Variants in PPARGC1A observed in about 807,000 individuals in gnomAD.
The protein encoded by PPARGC1A is peroxisome proliferator-activated receptor gamma coactivator 1-alpha.
PPARGC1A carries 25 observed loss-of-function variants against 88.7 expected under a neutral mutation model. The ratio of observed to expected loss-of-function variants is 0.28; its 90% CI spans 0.21 to 0.39. The LOEUF is 0.39. Among genes scored for constraint, PPARGC1A ranks in the 10% least tolerant of loss-of-function variants. PPARGC1A has a pLI of 1.00. For synonymous variants in PPARGC1A, 363 were observed against 355.6 expected, an observed-to-expected ratio of 1.02 and a Z score of -0.24; for missense variants, 880 against 968.7, an observed-to-expected ratio of 0.91 and a Z score of 1.22.
chr4:24,350,102 G>A, the PPARGC1A span, among the ~76,000 whole-genome samples: 1 of 152,220 alleles, frequency 6.6e-6, no homozygotes, highest in Non-Finnish European at 1.5e-5. Context: ...TTCGGGAGAG[G>A]AGGGTCTCCC....
the PPARGC1A span, among the ~76,000 whole-genome samples, chr4:24,226,009 A>T: frequency 6.3e-4 from 2 of 3,178 alleles, no homozygotes; most frequent in African/African-American, 6.9e-4. Flanking sequence ...ACCACCCACA[A>T]AACGGGAAAG....
intron 2 of PPARGC1A, among the ~76,000 whole-genome samples, chr4:23,857,532 C>A (rs1275525002): frequency 6.6e-6 from 1 of 151,432 alleles, no homozygotes; most frequent in East Asian, 2.0e-4. Context: ...TGGTAGAATT[C>A]CCACTGTTTA....
the PPARGC1A span, among the ~76,000 whole-genome samples, chr4:24,406,335 A>G: frequency 6.6e-6 from 1 of 152,200 alleles, no homozygotes; most frequent in East Asian, 1.9e-4. Flanking sequence ...TTCATTGGAC[A>G]TGGAATTTTC....
the PPARGC1A span, among the ~76,000 whole-genome samples, chr4:24,420,904 G>C: frequency 6.6e-6 from 1 of 152,150 alleles, no homozygotes; most frequent in Middle Eastern, 3.2e-3. Flanking sequence ...TATGGTGTCT[G>C]GTGAGGGCCT....
the PPARGC1A span, among the ~76,000 whole-genome samples, chr4:23,968,224 T>G: frequency 6.6e-6 from 1 of 152,198 alleles, no homozygotes; most frequent in Admixed American, 6.5e-5. Flanking sequence ...GGGAATCTGA[T>G]AGTATTTTTA....
At chr4:23,855,443 A>G (rs559837279) in intron 2 of PPARGC1A, among the ~76,000 whole-genome samples, 1 of 152,216 alleles carries the variant, frequency 6.6e-6, no homozygotes, top group African/African-American at 2.4e-5. Context: ...CAAATATATG[A>G]GGATTACTTA....
chr4:23,924,116 A>C, the PPARGC1A span, among the ~76,000 whole-genome samples: 1 of 152,208 alleles, frequency 6.6e-6, no homozygotes, highest in Admixed American at 6.5e-5. Context: ...TGTGATGAAA[A>C]TAACTAGTCA....
chr4:24,038,727 T>C, the PPARGC1A span, among the ~76,000 whole-genome samples: 1 of 152,162 alleles, frequency 6.6e-6, no homozygotes, highest in South Asian at 2.1e-4. Flanking sequence ...TTCAGTCGTG[T>C]TTATGAAGCA....
the PPARGC1A span, among the ~76,000 whole-genome samples, chr4:24,024,357 G>A: frequency 6.6e-6 from 1 of 152,206 alleles, no homozygotes; most frequent in Non-Finnish European, 1.5e-5. Context: ...GGAATGCAAT[G>A]TGCGTCTGAT....
At chr4:24,090,674 A>C in the PPARGC1A span, among the ~76,000 whole-genome samples, 1 of 152,194 alleles carries the variant, frequency 6.6e-6, no homozygotes. Flanking sequence ...AGAAACAGAA[A>C]AAAAGCTCTG....
At chr4:24,415,778 G>A in the PPARGC1A span, among the ~76,000 whole-genome samples, 1 of 152,180 alleles carries the variant, frequency 6.6e-6, no homozygotes, top group South Asian at 2.1e-4. Context: ...TTCTGTATTA[G>A]TTATAAATTT....
chr4:24,301,257 T>C, the PPARGC1A span, among the ~76,000 whole-genome samples: 1 of 152,154 alleles, frequency 6.6e-6, no homozygotes, highest in Admixed American at 6.5e-5. Context: ...TTAGACCCCA[T>C]GATTTGGAAG....
the PPARGC1A span, among the ~76,000 whole-genome samples, chr4:24,229,311 G>A: frequency 2.1e-4 from 31 of 150,606 alleles, no homozygotes; most frequent in African/African-American, 7.5e-4. Context: ...GCGCCACCAC[G>A]CTAATTTTTG....
At chr4:23,998,249 T>G in the PPARGC1A span, among the ~76,000 whole-genome samples, 1 of 152,142 alleles carries the variant, frequency 6.6e-6, no homozygotes, top group South Asian at 2.1e-4. Context: ...CCCTTCAGAG[T>G]GGAAAATGAT....
the PPARGC1A span, among the ~76,000 whole-genome samples, chr4:23,949,012 C>T: frequency 1.3e-5 from 2 of 152,222 alleles, no homozygotes; most frequent in East Asian, 1.9e-4. Flanking sequence ...AACCATGTTA[C>T]TCTCTATTTG....
At chr4:24,472,252 G>A in the PPARGC1A span, among the ~76,000 whole-genome samples, 2 of 152,080 alleles carry the variant, frequency 1.3e-5, no homozygotes, top group Admixed American at 1.3e-4. The surrounding 1 kb of genome is among the most constrained non-coding windows in gnomAD (Gnocchi z 4.5). Flanking sequence ...CAGACAGTGC[G>A]ACCCACTTGG....
chr4:24,196,163 T>C, the PPARGC1A span, among the ~76,000 whole-genome samples: 1 of 152,252 alleles, frequency 6.6e-6, no homozygotes, highest in Non-Finnish European at 1.5e-5. Flanking sequence ...GATGGTGTAC[T>C]AGTGTAGGAT....
the PPARGC1A span, among the ~76,000 whole-genome samples, chr4:24,043,926 A>G: frequency 6.6e-6 from 1 of 152,176 alleles, no homozygotes; most frequent in Admixed American, 6.6e-5. Context: ...GAGGAAGGAC[A>G]TTTGAAAGAA....
At chr4:24,205,123 C>A in the PPARGC1A span, among the ~76,000 whole-genome samples, 3 of 152,182 alleles carry the variant, frequency 2.0e-5, no homozygotes, top group Non-Finnish European at 4.4e-5. Flanking sequence ...CCGCACCCAG[C>A]CTCATGCAAG....
Sources: allele counts gnomAD v4.1 joint callset (sites outside exome capture counted in the v4.1 genomes callset), GRCh38; gene constraint gnomAD v4.1.1; non-coding constraint Gnocchi (gnomAD v3.1); transcripts MANE v1.5; gene names NCBI Gene and HGNC (gene_info 2026-07-23, HGNC 2026-07-21).